Variants in NXPE1 observed in about 807,000 individuals in gnomAD.
The protein encoded by NXPE1 is NXPE family member 1.
NXPE1 carries 31 observed loss-of-function variants against 33.3 expected under a neutral mutation model. The observed-to-expected ratio is 0.93, with a 90% CI of 0.70 to 1.26. The LOEUF is 1.26. NXPE1 is among the 50% of genes most tolerant of loss of function. The pLI, the probability that NXPE1 is intolerant of heterozygous loss-of-function variation, is 0.00. For missense variants in NXPE1, 661 were observed against 655.6 expected (o/e 1.01, Z -0.09); for synonymous variants, 229 against 231.4 (o/e 0.99, Z 0.09).
At chr11:114,537,237 A>G (rs990227203) in intron 5 of NXPE1, among the ~76,000 whole-genome samples, 1 of 152,216 alleles carries the variant, frequency 6.6e-6, no homozygotes, top group South Asian at 2.1e-4. Context: ...ACAACCCTTC[A>G]TGCTAAAAAC....
chr11:114,531,454 G>T (rs555080376), intron 5 of NXPE1, among the ~76,000 whole-genome samples: 90 of 152,170 alleles, frequency 5.9e-4, no homozygotes, highest in Non-Finnish European at 9.3e-4. Context: ...CTTCAAGGAA[G>T]ACAGTCCTGC....
At chr11:114,559,614 T>C (rs1948732255) in intron 1 of NXPE1, among the ~76,000 whole-genome samples, 184 bp downstream of exon 1, 1 of 152,170 alleles carries the variant, frequency 6.6e-6, no homozygotes, top group South Asian at 2.1e-4. Context: ...CTATCAGTTT[T>C]TTTTTTTGTT....
intron 5 of NXPE1, among the ~76,000 whole-genome samples, chr11:114,532,782 G>A (rs1947633434): frequency 6.6e-6 from 1 of 152,058 alleles, no homozygotes; most frequent in Non-Finnish European, 1.5e-5. Flanking sequence ...ATACAGGTGT[G>A]TGTGCATTTG....
intron 5 of NXPE1, among the ~76,000 whole-genome samples, chr11:114,537,172 A>G (rs1009689316): frequency 2.0e-5 from 3 of 152,218 alleles, no homozygotes; most frequent in African/African-American, 7.2e-5. Flanking sequence ...AGAACCAAAG[A>G]CAAAAACCAG....
intron 6 of NXPE1, chr11:114,528,891 G>A: frequency 3.3e-6 from 2 of 601,266 alleles, no homozygotes; most frequent in Non-Finnish European, 6.2e-6. Context: ...CATAAGGATG[G>A]TTGATGGGTA....
exon 6 of NXPE1, chr11:114,530,739 G>A (rs1464043129): frequency 1.9e-6 from 3 of 1,614,096 alleles, no homozygotes; most frequent in Non-Finnish European, 2.5e-6. Context: ...GTTCACATGG[G>A]TGAAAGGTCT....
intron 5 of NXPE1, among the ~76,000 whole-genome samples, chr11:114,538,905 A>G (rs1388258296): frequency 6.6e-6 from 1 of 152,172 alleles, no homozygotes; most frequent in East Asian, 1.9e-4. Context: ...AACTAGAAAT[A>G]CCATTTGACC....
chr11:114,539,336 T>G (rs998926155), intron 5 of NXPE1, among the ~76,000 whole-genome samples: 1 of 151,868 alleles, frequency 6.6e-6, no homozygotes, highest in African/African-American at 2.4e-5. Context: ...TATTGCTAAA[T>G]GACGAGTTAA....
chr11:114,521,162 C>G (rs551456099), downstream of NXPE1, among the ~76,000 whole-genome samples: 3 of 141,180 alleles, frequency 2.1e-5, no homozygotes, highest in Admixed American at 6.8e-5. Flanking sequence ...TTGATTTTCT[C>G]TTTAACAGGA....
At chr11:114,529,873 G>A (rs185231292) in intron 6 of NXPE1, 2 of 296,972 alleles carry the variant, frequency 6.7e-6, no homozygotes, top group Admixed American at 9.2e-5. Flanking sequence ...AACAAAATAT[G>A]ATATGGGAGG....
Position 114,539,529 on chromosome 11 carries a change from A to G in NXPE1, c.100-8621T>C, listed in dbSNP as rs548133546. ...ATTTTTTAAAGGTCTGAATGAATGG[A>G]AAGATGTAGCACTTTGAAATGTGGT... On this transcript the variant is annotated intron_variant, in intron 5 of 8. Coordinates refer to ENST00000534921, the Ensembl canonical transcript of NXPE1. 3.3e-5 allele frequency among the ~76,000 whole-genome samples: 5 copies of G among 152,334 alleles called. No homozygotes were observed. The East Asian group carries it at 9.6e-4, about 29-fold the overall frequency.
intron 2 of NXPE1, among the ~76,000 whole-genome samples, chr11:114,552,621 C>G (rs911179360): frequency 6.6e-6 from 1 of 151,998 alleles, no homozygotes; most frequent in African/African-American, 2.4e-5. Flanking sequence ...TCTGACCCCT[C>G]CTGCCCCCGA....
rs906316025 is a variant in NXPE1, at chr11:114,530,039, C to G, written c.833+136G>C. ...TTGGCCTAGAGTGGTGAGTAGAGGC[C>G]CCAAGAAGACACCACATGTCTTACC... On this transcript the variant is annotated intron_variant, in intron 6 of 8. Transcript: ENST00000534921. 8 of 886,740 alleles carry G rather than the reference C, an allele frequency of 9.0e-6. No homozygotes were observed. In the East Asian group the frequency reaches 2.0e-4, roughly 22 times the overall value. The allele number at this position is 886,740 out of a possible 1,614,324, so 54.9% of individuals were successfully genotyped here.
At chr11:114,538,841 G>A (rs1435973729) in intron 5 of NXPE1, among the ~76,000 whole-genome samples, 1 of 151,920 alleles carries the variant, frequency 6.6e-6, no homozygotes, top group Non-Finnish European at 1.5e-5. Flanking sequence ...TGGTGGGACT[G>A]TAAACTAGTT....
At chr11:114,522,571 T>C in intron 8 of NXPE1, 68 bp from the exon 9 acceptor site, 2 of 1,344,964 alleles carry the variant, frequency 1.5e-6, no homozygotes, top group African/African-American at 1.5e-5. Flanking sequence ...AAGAATGTCC[T>C]ATCATTTAAA....
intron 1 of NXPE1, among the ~76,000 whole-genome samples, chr11:114,557,634 CATATATATATATATATATATATATAT>C (rs4019608): frequency 4.7e-5 from 6 of 128,452 alleles, no homozygotes; most frequent in Admixed American, 8.4e-5. Context: ...ATATATAATA[CATATATATATATATATATATATATAT>C]ATATATATAT....
chr11:114,550,452 C>T (rs544648760), intron 5 of NXPE1, among the ~76,000 whole-genome samples: 10 of 152,012 alleles, frequency 6.6e-5, no homozygotes, highest in Non-Finnish European at 1.0e-4. Context: ...CTACGGAGGC[C>T]GCACTCAACA....
At chr11:114,548,010 A>G (rs1948339238) in intron 5 of NXPE1, among the ~76,000 whole-genome samples, 1 of 152,140 alleles carries the variant, frequency 6.6e-6, no homozygotes, top group Admixed American at 6.6e-5. Flanking sequence ...TCAGAGATTG[A>G]ACAATTAAAT....
intron 1 of NXPE1, among the ~76,000 whole-genome samples, chr11:114,557,949 G>T (rs1455649): frequency 0.19 from 28,213 of 151,650 alleles, 3,209 homozygotes; most frequent in African/African-American, 0.31. Context: ...TCAGCACTTT[G>T]AATATGTTAC....
Sources: gnomAD v4.1 joint callset for allele counts (sites outside exome capture counted in the v4.1 genomes callset) on GRCh38, gnomAD v4.1.1 for gene constraint, MANE v1.5 for transcripts, NCBI Gene and HGNC (gene_info 2026-07-23, HGNC 2026-07-21) for gene names.